C2CD3: variants seen among roughly 807,000 people sequenced by gnomAD.
C2CD3 encodes the protein C2 domain containing 3 centriole elongation regulator, also known as C2 domain-containing protein 3.
C2CD3 carries 148 observed loss-of-function variants against 234.0 expected under a neutral mutation model. The observed-to-expected ratio is 0.63, with a 90% confidence interval of 0.55 to 0.72. The LOEUF is 0.72. C2CD3 is among the 30% of genes least tolerant of loss of function. C2CD3 has a pLI of 0.00. For missense variants in C2CD3, 2,577 were observed against 2,811.5 expected (o/e 0.92, Z 1.89); for synonymous variants, 1,000 against 1,035.4 (o/e 0.97, Z 0.66).
At chr11:74,156,510 A>G (rs1365183485) in intron 3 of C2CD3, among the ~76,000 whole-genome samples, 1 of 150,694 alleles carries the variant, frequency 6.6e-6, no homozygotes, top group Non-Finnish European at 1.5e-5. Context: ...TGTGGATTAT[A>G]CCTTGATTTT....
At chr11:74,130,615 G>A (rs955641329) in intron 7 of C2CD3, among the ~76,000 whole-genome samples, 2 of 152,080 alleles carry the variant, frequency 1.3e-5, no homozygotes, top group African/African-American at 2.4e-5. Flanking sequence ...CCATTGATTG[G>A]TCTTCACAGC....
intron 3 of C2CD3, among the ~76,000 whole-genome samples, chr11:74,150,521 AAAAAACAAAAC>A (rs1855557261): frequency 1.3e-5 from 1 of 74,874 alleles, no homozygotes; most frequent in African/African-American, 5.1e-5. Context: ...AAAAACAAAA[AAAAAACAAAAC>A]AAATTTCTAA....
At chr11:74,110,355 A>G (rs1245977482) in intron 11 of C2CD3, among the ~76,000 whole-genome samples, 1 of 152,018 alleles carries the variant, frequency 6.6e-6, no homozygotes, top group African/African-American at 2.4e-5. Flanking sequence ...TAACCTACTG[A>G]TCTCTCTATT....
At position 74,029,724 on chromosome 11, in the gene C2CD3, G is replaced by C. The variant is rs189422282; in HGVS notation, c.6810-1326C>G. Among the ~76,000 whole-genome samples, 3 of 152,304 alleles carry C rather than the reference G, an allele frequency of 2.0e-5. No homozygotes were observed. In the East Asian group the frequency reaches 5.8e-4, roughly 29 times the overall value. On this transcript the variant is annotated intron_variant, in intron 31 of 32. Coordinates refer to ENST00000334126, the MANE Select transcript of C2CD3 (RefSeq NM_001286577.2). ...TGCCTCATGTGTGCTTTAGGGTCCT[G>C]CTCCAACAGGCACTTTCTCCCACCA...
chr11:74,115,226 A>G (rs973224425), intron 9 of C2CD3, among the ~76,000 whole-genome samples: 3 of 152,006 alleles, frequency 2.0e-5, no homozygotes, highest in Non-Finnish European at 4.4e-5. Context: ...ACATATATAT[A>G]TACATACATA....
intron 31 of C2CD3, among the ~76,000 whole-genome samples, chr11:74,029,917 G>A (rs960873773): frequency 7.0e-4 from 107 of 152,142 alleles, no homozygotes; most frequent in African/African-American, 2.5e-3. Flanking sequence ...CACCATGCCT[G>A]GCTAATTTTT....
rs1190708788 is a variant in C2CD3 at position 74,057,431 on chromosome 11, T to C, written c.5065A>G (p.Ile1689Val). Reference protein sequence around the residue: ...TQVVENTDSPIWNFQQQSRLS... With the variant: ...TQVVENTDSPVWNFQQQSRLS... The stretch of plus-strand genomic sequence containing the variant: ...CTTGACTGCTGTTGAAAATTCCAGA[T>C]GGGGGAATCTGTGTTTTCAACCACT... The change falls in exon 25 of 33, where the codon ATC becomes GTC. Residue 1689 changes from isoleucine (I) to valine (V), a missense_variant. By Grantham distance (29) the Ile-to-Val change is conservative. Coordinates refer to ENST00000334126, the MANE Select transcript of C2CD3 (RefSeq NM_001286577.2). 1 of 1,613,956 alleles carries C rather than the reference T, an allele frequency of 6.2e-7. No homozygotes were observed. Among genetic ancestry groups the C allele is most frequent in the African/African-American group, 1.3e-5 (1 of 74,904 alleles).
chr11:74,039,564 C>T (rs1486966196), intron 29 of C2CD3, among the ~76,000 whole-genome samples: 4 of 152,118 alleles, frequency 2.6e-5, no homozygotes, highest in Non-Finnish European at 4.4e-5. Flanking sequence ...CTGTAATAAG[C>T]CCTTCATGGG....
intron 11 of C2CD3, among the ~76,000 whole-genome samples, chr11:74,111,919 TACACACAC>T (rs61499954): frequency 0.098 from 12,288 of 124,850 alleles, 597 homozygotes; most frequent in Non-Finnish European, 0.12. Context: ...TATTTGCTGA[TACACACAC>T]ACACACACAC....
At chr11:74,126,986 A>G (rs148174008) in intron 7 of C2CD3, among the ~76,000 whole-genome samples, 2,692 of 152,282 alleles carry the variant, frequency 0.018, 43 homozygotes, top group Non-Finnish European at 0.029. Flanking sequence ...AAATGAAATA[A>G]AAGTATATAT....
intron 28 of C2CD3, among the ~76,000 whole-genome samples, chr11:74,047,496 A>C (rs2135427919): frequency 6.6e-6 from 1 of 152,344 alleles, no homozygotes; most frequent in Non-Finnish European, 1.5e-5. Context: ...ACAGAGGACC[A>C]AGGATCTCTT....
chr11:74,062,576 T>C (rs1434988437), intron 24 of C2CD3, among the ~76,000 whole-genome samples: 1 of 151,920 alleles, frequency 6.6e-6, no homozygotes, highest in Non-Finnish European at 1.5e-5. Context: ...TTGAAACCAA[T>C]GAGAACAAAG....
At chr11:74,038,037 C>T (rs920097727) in intron 29 of C2CD3, among the ~76,000 whole-genome samples, 2 of 152,158 alleles carry the variant, frequency 1.3e-5, no homozygotes, top group African/African-American at 4.8e-5. Context: ...CCCTACTCTG[C>T]GCTAACACTG....
At chr11:74,082,094 G>A (rs188138152) in intron 22 of C2CD3, among the ~76,000 whole-genome samples, 196 of 151,206 alleles carry the variant, frequency 1.3e-3, no homozygotes, top group African/African-American at 4.6e-3. Context: ...TCCAGTTCTT[G>A]CCCATTCAGT....
At chr11:74,083,035 T>C (rs1035822373) in intron 22 of C2CD3, among the ~76,000 whole-genome samples, 5 of 152,132 alleles carry the variant, frequency 3.3e-5, no homozygotes, top group African/African-American at 7.2e-5. Context: ...CTACCTGACT[T>C]CAAACTATAC....
chr11:74,118,976 C>T (rs1260825621), intron 8 of C2CD3, among the ~76,000 whole-genome samples: 1 of 149,612 alleles, frequency 6.7e-6, no homozygotes, highest in Non-Finnish European at 1.5e-5. Flanking sequence ...GGCACAATCA[C>T]AGCTCACTGC....
intron 25 of C2CD3, among the ~76,000 whole-genome samples, chr11:74,056,176 T>C (rs532609670): frequency 6.6e-6 from 1 of 152,226 alleles, no homozygotes; most frequent in African/African-American, 2.4e-5. Context: ...ACTCAATAAG[T>C]ACACAAACAC....
intron 8 of C2CD3, among the ~76,000 whole-genome samples, chr11:74,122,385 C>A (rs1018882425): frequency 2.6e-5 from 4 of 152,100 alleles, no homozygotes; most frequent in Admixed American, 1.3e-4. Flanking sequence ...ATTTCAGTAT[C>A]TTTTTTTGAC....
At chr11:74,090,041 C>G (rs528007877) in intron 20 of C2CD3, among the ~76,000 whole-genome samples, 108 of 152,064 alleles carry the variant, frequency 7.1e-4, no homozygotes, top group African/African-American at 2.5e-3. Context: ...GAGAAAACAG[C>G]AAGACAAAGG....
Sources: gnomAD v4.1 joint callset for allele counts (sites outside exome capture counted in the v4.1 genomes callset) on GRCh38, gnomAD v4.1.1 for gene constraint, MANE v1.5 for transcripts, NCBI Gene and HGNC (gene_info 2026-07-23, HGNC 2026-07-21) for gene names.